The following SVIL variants were observed in gnomAD, a reference collection of about 807,000 sequenced individuals.
SVIL encodes the protein archvillin.
SVIL carries 101 observed loss-of-function variants against 240.4 expected under a neutral mutation model. The ratio of observed to expected loss-of-function variants is 0.42; its 90% CI spans 0.36 to 0.50. The LOEUF (loss-of-function observed/expected upper bound fraction) is 0.50. Ranked by LOEUF, SVIL falls within the 20% of genes least tolerant of loss-of-function variation. SVIL has a pLI of 0.01. For synonymous variants in SVIL, 999 were observed against 1,100.0 expected, an observed-to-expected ratio of 0.91 and a Z score of 1.82; for missense variants, 2,512 against 2,818.7, an observed-to-expected ratio of 0.89 and a Z score of 2.46.
At chr10:29,569,353 A>G in intron 1 of SVIL, 41 bp from the exon 2 acceptor site, 1 of 938,722 alleles carries the variant, frequency 1.1e-6, no homozygotes, top group East Asian at 1.2e-4. Context: ...ATAGTTATGC[A>G]AATTGTTAAA....
intron 1 of SVIL, among the ~76,000 whole-genome samples, chr10:29,601,231 T>C (rs1163483820): frequency 6.6e-6 from 1 of 152,226 alleles, no homozygotes; most frequent in Non-Finnish European, 1.5e-5. Flanking sequence ...TTATTCACTT[T>C]GCTTTCCAAA....
At chr10:29,552,031 T>C (rs1953393683) in intron 5 of SVIL, among the ~76,000 whole-genome samples, 1 of 151,862 alleles carries the variant, frequency 6.6e-6, no homozygotes, top group Non-Finnish European at 1.5e-5. Flanking sequence ...GGCAGATAGC[T>C]TCAGCCCAGG....
chr10:29,481,511 C>A, intron 28 of SVIL, 73 bp downstream of exon 28: 2 of 1,590,166 alleles, frequency 1.3e-6, no homozygotes, highest in South Asian at 1.1e-5. Flanking sequence ...CTGATTTGAT[C>A]ATTTTACATG....
Position 29,532,682 on chromosome 10 carries a change from T to C in SVIL, c.1685A>G (p.Tyr562Cys). 1 of 1,614,198 alleles carries C rather than the reference T, an allele frequency of 6.2e-7. No individual in the cohort carries two copies. The highest frequency in any genetic ancestry group is 8.5e-7 in the Non-Finnish European group (1 of 1,180,024). ...TGPPQLQALK[Y>C]KDPASRRELE... is the part of the protein sequence containing the mutation. The stretch of plus-strand genomic sequence containing the variant: ...CTCTCTCCTGGAAGCTGGGTCCTTA[T>C]ACTTCAAGGCCTGGAGCTGAGGGGG... Residue 562 changes from tyrosine to cysteine, a missense_variant, in exon 8 of 38, where the codon TAT becomes TGT. Physicochemically the swap from Tyr to Cys is radical, Grantham distance 194 (BLOSUM62 -2). Transcript: ENST00000355867.
intron 14 of SVIL, 36 bp downstream of exon 14, chr10:29,524,436 C>T (rs1358477869): frequency 6.2e-7 from 1 of 1,610,534 alleles, no homozygotes; most frequent in Admixed American, 1.7e-5. Context: ...TAAGAACACA[C>T]ACACACAAAC....
chr10:29,526,372 T>C (rs1404008905), intron 13 of SVIL, among the ~76,000 whole-genome samples: 1 of 149,582 alleles, frequency 6.7e-6, no homozygotes, highest in Non-Finnish European at 1.5e-5. Context: ...TGGCACGATC[T>C]TGACTCACTG....
intron 1 of SVIL, among the ~76,000 whole-genome samples, chr10:29,610,408 C>T (rs1718946734): frequency 6.6e-6 from 1 of 151,016 alleles, no homozygotes; most frequent in African/African-American, 2.4e-5. Context: ...TTTTGTCAAT[C>T]AAGGCTCTCC....
chr10:29,677,591 T>A (rs1339678476), intron 2 of SVIL, among the ~76,000 whole-genome samples: 1 of 152,112 alleles, frequency 6.6e-6, no homozygotes, highest in Admixed American at 6.6e-5. Context: ...GCTCAGCTAA[T>A]TTTTATTTTT....
chr10:29,692,257 T>C (rs1564767790), intron 1 of SVIL, among the ~76,000 whole-genome samples: 1 of 152,122 alleles, frequency 6.6e-6, no homozygotes, highest in Non-Finnish European at 1.5e-5. Flanking sequence ...CTAACAACCA[T>C]ATGAGACGAT....
chr10:29,559,028 A>C (rs1954207299), intron 3 of SVIL, among the ~76,000 whole-genome samples: 1 of 150,294 alleles, frequency 6.7e-6, no homozygotes, highest in Admixed American at 6.6e-5. Context: ...ATCATATAAA[A>C]CATGTTTTTG....
chr10:29,612,751 C>G (rs909649537), intron 1 of SVIL, among the ~76,000 whole-genome samples: 2 of 152,124 alleles, frequency 1.3e-5, no homozygotes, highest in African/African-American at 4.8e-5. Flanking sequence ...AAACGTAGAT[C>G]CTTAGTAAAT....
chr10:29,646,880 G>T (rs1958674620), intron 3 of SVIL, among the ~76,000 whole-genome samples: 1 of 152,158 alleles, frequency 6.6e-6, no homozygotes, highest in Admixed American at 6.5e-5. Context: ...GACCATGTCT[G>T]AAAACTGGCC....
chr10:29,530,149 G>A (rs1326795901), intron 11 of SVIL, among the ~76,000 whole-genome samples: 1 of 152,160 alleles, frequency 6.6e-6, no homozygotes, highest in East Asian at 1.9e-4. Flanking sequence ...ACTCAACCCT[G>A]AGTGAGAGAG....
chr10:29,711,578 T>G (rs1287427550), intron 1 of SVIL, among the ~76,000 whole-genome samples: 2 of 151,950 alleles, frequency 1.3e-5, no homozygotes, highest in Non-Finnish European at 2.9e-5. Context: ...CTGGCCAACA[T>G]GGTGAAACTC....
chr10:29,471,030 CGAGCCACAGCTA>C, intron 31 of SVIL, 96 bp downstream of exon 31: 1 of 1,050,566 alleles, frequency 9.5e-7, no homozygotes, highest in Non-Finnish European at 1.4e-6. Context: ...TTTCAGAGGT[CGAGCCACAGCTA>C]GATGAAGACA....
chr10:29,633,424 T>C (rs1457180121), intron 1 of SVIL, among the ~76,000 whole-genome samples: 2 of 152,056 alleles, frequency 1.3e-5, no homozygotes, highest in Admixed American at 6.5e-5. Flanking sequence ...CCCTACACCA[T>C]GTAAATTGGG....
chr10:29,503,663 T>A (rs1394203452), intron 17 of SVIL, among the ~76,000 whole-genome samples: 1 of 152,258 alleles, frequency 6.6e-6, no homozygotes, highest in Non-Finnish European at 1.5e-5. Context: ...TTTGAAGTGA[T>A]GAAACAGAAA....
rs73596061 is a variant in SVIL, at chr10:29,588,824, T to C, written c.-200-19512A>G. Among the ~76,000 whole-genome samples the C allele has an allele frequency of 8.8e-3, 1,335 of 152,258 alleles. 21 individuals are homozygous for C. Among genetic ancestry groups the C allele is most frequent in the African/African-American group, 0.031 (1,280 of 41,552 alleles). ...AAATGCGTAACTGACTTCCCCCTCC[T>C]TTGTTTTCACATGTAAAATGTAGAT... On this transcript the variant is annotated intron_variant, in intron 1 of 37. Coordinates refer to ENST00000355867, the MANE Select transcript of SVIL (RefSeq NM_021738.3).
chr10:29,513,135 T>A (rs1397742186), intron 16 of SVIL, among the ~76,000 whole-genome samples: 1 of 152,246 alleles, frequency 6.6e-6, no homozygotes, highest in Non-Finnish European at 1.5e-5. Context: ...CAGCCAAGGA[T>A]GTCTGTTCCT....
Sources: gnomAD v4.1 joint callset for allele counts (sites outside exome capture counted in the v4.1 genomes callset) on GRCh38, gnomAD v4.1.1 for gene constraint, MANE v1.5 for transcripts, NCBI Gene and HGNC (gene_info 2026-07-23, HGNC 2026-07-21) for gene names.